The following TBC1D21 variants were observed in gnomAD, a reference collection of about 807,000 sequenced individuals.
TBC1D21 encodes the protein TBC1 domain family member 21.
A neutral mutation model predicts 46.0 loss-of-function variants in TBC1D21; 38 were observed. The ratio of observed to expected loss-of-function variants is 0.83; its 90% CI spans 0.64 to 1.08. TBC1D21 has a LOEUF of 1.08. Ranked by LOEUF, TBC1D21 falls within the 50% of genes least tolerant of loss-of-function variation. TBC1D21 has a pLI of 0.00. For missense variants in TBC1D21, 415 were observed against 417.9 expected (o/e 0.99, Z 0.06); for synonymous variants, 151 against 157.2 (o/e 0.96, Z 0.29).
rs1595814521 is a variant in TBC1D21 at position 73,873,845 on chromosome 15, G to A, written c.60+76G>A. ...GCACTGGGACCATTTTCCCCTGCTG[G>A]GTAGGAAAAGCTAGAACCCTGAGCT... On this transcript the variant is annotated intron_variant, in intron 1 of 10. Coordinates refer to ENST00000300504, the MANE Select transcript of TBC1D21 (RefSeq NM_153356.3). The A allele has an allele frequency of 5.3e-6, 8 of 1,519,950 alleles. No homozygotes were observed. The East Asian group carries it at 1.9e-4, about 36-fold the overall frequency. The allele number at this position is 1,519,950 out of a possible 1,614,324, so 94.2% of individuals were successfully genotyped here.
chr15:73,887,423 A>G (rs921048009), intron 8 of TBC1D21, among the ~76,000 whole-genome samples, 197 bp from the exon 9 acceptor site: 1 of 152,184 alleles, frequency 6.6e-6, no homozygotes, highest in Non-Finnish European at 1.5e-5. Flanking sequence ...AATGCCTAGA[A>G]CCAGGAGTAC....
the TBC1D21 span, among the ~76,000 whole-genome samples, chr15:73,906,289 G>A: frequency 2.5e-3 from 381 of 152,320 alleles, 1 homozygote; most frequent in African/African-American, 8.8e-3. Context: ...CTAGGGAAGT[G>A]GGAGACGTAT....
At chr15:73,903,788 G>A in the TBC1D21 span, among the ~76,000 whole-genome samples, 1 of 152,204 alleles carries the variant, frequency 6.6e-6, no homozygotes, top group African/African-American at 2.4e-5. Context: ...GGGCACGGTG[G>A]CTCTTGCCTG....
intron 3 of TBC1D21, among the ~76,000 whole-genome samples, chr15:73,882,901 C>G (rs940971290): frequency 6.6e-6 from 1 of 152,230 alleles, no homozygotes; most frequent in Middle Eastern, 3.2e-3. Flanking sequence ...GTAGTGAGAA[C>G]GGAGCCTGTG....
Position 73,884,827 on chromosome 15 carries a change from C to T in TBC1D21, c.414C>T (p.Val138=), listed in dbSNP as rs1245878379. ...KIYDKDPLGN[V]LIDKKRLEKI... ...ATGACAAAGATCCCCTGGGCAACGT[C>T]CTCATCGACAAGAAGAGGCTAGAGA... Residue 138 remains valine (V), a synonymous_variant, in exon 5 of 11, where the codon GTC becomes GTT. Transcript: ENST00000300504. The T allele has an allele frequency of 3.1e-6, 5 of 1,614,034 alleles. No homozygotes were observed. Among genetic ancestry groups the T allele is most frequent in the Non-Finnish European group, 2.5e-6 (3 of 1,180,022 alleles).
chr15:73,906,941 C>G, the TBC1D21 span, among the ~76,000 whole-genome samples: 33 of 152,230 alleles, frequency 2.2e-4, no homozygotes, highest in African/African-American at 7.9e-4. Flanking sequence ...TCTGTCCCAC[C>G]AGCCTAGTAA....
chr15:73,908,225 CCA>C, the TBC1D21 span: 2 of 152,236 alleles, frequency 1.3e-5, no homozygotes, highest in African/African-American at 2.4e-5. Flanking sequence ...ACCAGACACA[CCA>C]CACACACACA....
intron 6 of TBC1D21, 39 bp downstream of exon 6, chr15:73,885,142 A>T: frequency 6.5e-7 from 1 of 1,544,706 alleles, no homozygotes; most frequent in Non-Finnish European, 8.9e-7. Context: ...CCCCTCCCCA[A>T]CCCCCCACTA....
chr15:73,894,313 C>G, the TBC1D21 span, among the ~76,000 whole-genome samples: 2 of 152,238 alleles, frequency 1.3e-5, no homozygotes, highest in African/African-American at 4.8e-5. Context: ...CAGGCCACCC[C>G]ACCCTTGGCA....
downstream of TBC1D21, among the ~76,000 whole-genome samples, chr15:73,893,621 C>G (rs2068353822): frequency 6.6e-6 from 1 of 152,214 alleles, no homozygotes; most frequent in South Asian, 2.1e-4. Context: ...CACAGAGGCA[C>G]CGTGGATAAA....
chr15:73,902,408 C>T, the TBC1D21 span, among the ~76,000 whole-genome samples: 1 of 152,164 alleles, frequency 6.6e-6, no homozygotes, highest in Non-Finnish European at 1.5e-5. Context: ...GTGTGTGATA[C>T]CCAGCTATAA....
intron 1 of TBC1D21, among the ~76,000 whole-genome samples, chr15:73,876,248 G>A (rs2068065607): frequency 2.6e-5 from 1 of 39,048 alleles, no homozygotes; most frequent in Non-Finnish European, 5.5e-5. Context: ...TTTTTTTTGA[G>A]ACGGAGTCTT....
the TBC1D21 span, among the ~76,000 whole-genome samples, chr15:73,894,610 C>T: frequency 2.0e-5 from 3 of 152,074 alleles, no homozygotes; most frequent in Non-Finnish European, 4.4e-5. Context: ...GCTGGCAGGT[C>T]CCGCATGGAA....
At chr15:73,880,782 T>C (rs2068140493) in intron 1 of TBC1D21, among the ~76,000 whole-genome samples, 1 of 152,168 alleles carries the variant, frequency 6.6e-6, no homozygotes, top group South Asian at 2.1e-4. Flanking sequence ...AAATAAAAAA[T>C]ACAAGAAAAA....
chr15:73,906,774 T>G, the TBC1D21 span, among the ~76,000 whole-genome samples: 1 of 152,210 alleles, frequency 6.6e-6, no homozygotes, highest in Non-Finnish European at 1.5e-5. Context: ...AGAATGTATG[T>G]GCAGTGCTGA....
rs1214340021 is a variant in TBC1D21 at position 73,875,804 on chromosome 15, C to T, written c.60+2035C>T. On this transcript the variant is annotated intron_variant, in intron 1 of 10. Coordinates refer to ENST00000300504, the MANE Select transcript of TBC1D21 (RefSeq NM_153356.3). The stretch of plus-strand genomic sequence containing the variant: ...CTCGCAAACTGCAGACTTCCCCTCC[C>T]GGATTACCAGGTCATTATACCCAGT... Among the ~76,000 whole-genome samples the T allele has an allele frequency of 2.6e-5, 4 of 152,146 alleles. No homozygotes were observed. In the East Asian group the frequency reaches 7.7e-4, roughly 29 times the overall value.
At chr15:73,894,594 G>C in the TBC1D21 span, among the ~76,000 whole-genome samples, 1 of 152,216 alleles carries the variant, frequency 6.6e-6, no homozygotes, top group Non-Finnish European at 1.5e-5. Flanking sequence ...GGGGACCCAA[G>C]ATGGGGCTGG....
Position 73,884,377 on chromosome 15 carries a change from G to A in TBC1D21, c.367+132G>A, listed in dbSNP as rs535062733. 1,486 of 845,132 alleles carry A rather than the reference G, an allele frequency of 1.8e-3. 7 individuals are homozygous for A. The highest frequency in any genetic ancestry group is 2.0e-3 in the Non-Finnish European group (1,000 of 510,864). The allele number at this position is 845,132 out of a possible 1,614,324, so 52.4% of individuals were successfully genotyped here. A position where few individuals can be genotyped will look rare whatever the true frequency, so the allele number is the denominator to read the frequency against. The stretch of plus-strand genomic sequence containing the variant: ...TGCTTTGACTTGTGCCTGGAGTTTC[G>A]CCAGCTGAACCTTGGTTAATCCACC... On this transcript the variant is annotated intron_variant, in intron 4 of 10. Coordinates refer to ENST00000300504, the MANE Select transcript of TBC1D21 (RefSeq NM_153356.3).
At chr15:73,877,098 A>G (rs571348176) in intron 1 of TBC1D21, among the ~76,000 whole-genome samples, 1 of 152,362 alleles carries the variant, frequency 6.6e-6, no homozygotes, top group South Asian at 2.1e-4. Context: ...ATATTTGCGA[A>G]GATTAAATGG....
Sources: allele counts gnomAD v4.1 joint callset (sites outside exome capture counted in the v4.1 genomes callset), GRCh38; gene constraint gnomAD v4.1.1; transcripts MANE v1.5; gene names NCBI Gene and HGNC (gene_info 2026-07-23, HGNC 2026-07-21).